Variants in SRSF3 observed in about 807,000 individuals in gnomAD.
The protein encoded by SRSF3 is serine/arginine-rich splicing factor 3.
For missense variants in SRSF3, 58 were observed against 217.1 expected (o/e 0.27, Z 4.61); for synonymous variants, 87 against 73.6 (o/e 1.18, Z -0.93).
intron 2 of SRSF3, among the ~76,000 whole-genome samples, chr6:36,598,091 G>A (rs1233334643): frequency 1.3e-5 from 2 of 152,142 alleles, no homozygotes; most frequent in African/African-American, 4.8e-5. Flanking sequence ...TTTTTACTTG[G>A]AGTGGGGCAG....
chr6:36,595,079 G>T (rs1481120198), intron 1 of SRSF3, among the ~76,000 whole-genome samples: 23 of 152,108 alleles, frequency 1.5e-4, no homozygotes, highest in Admixed American at 1.4e-3. Context: ...CTTACTCCTG[G>T]GCACAGGGTG....
At chr6:36,597,508 G>T (rs1778650647) in intron 2 of SRSF3, among the ~76,000 whole-genome samples, 1 of 151,464 alleles carries the variant, frequency 6.6e-6, no homozygotes, top group Non-Finnish European at 1.5e-5. Context: ...TTATGTGTTT[G>T]AAATACTCCA....
chr6:36,599,314 C>T, intron 3 of SRSF3: 1 of 246,560 alleles, frequency 4.1e-6, no homozygotes, highest in Non-Finnish European at 8.0e-6. Flanking sequence ...TTACATTCAA[C>T]TCTAGCTCTT....
At chr6:36,601,825 T>G (rs765680445) in intron 5 of SRSF3, 31 bp downstream of exon 5, 2 of 1,604,294 alleles carry the variant, frequency 1.2e-6, no homozygotes, top group Non-Finnish European at 1.7e-6. Context: ...TATTTAAGAC[T>G]TTGCATACAT....
chr6:36,604,776 G>T lies in SRSF3; in HGVS notation c.*2787G>T, dbSNP rs1205461520. ...CAGAATAGATACAGCCAGACTCCAG[G>T]CTCATTGACTTAGTTTTTCAGGGTG... On this transcript the variant is annotated 3_prime_UTR_variant, in exon 6 of 6. Transcript: ENST00000373715. The T allele has an allele frequency of 6.6e-6, 1 of 152,238 alleles. No individual in the cohort carries two copies. The highest frequency in any genetic ancestry group is 2.4e-5 in the African/African-American group (1 of 41,438). 9.4% of individuals were successfully genotyped at this position (152,238 alleles called of 1,614,324 possible). A position where few individuals can be genotyped will look rare whatever the true frequency, so the allele number is the denominator to read the frequency against.
Position 36,602,357 on chromosome 6 carries a change from T to A in SRSF3, c.*368T>A. The A allele has an allele frequency of 3.8e-6, 1 of 261,492 alleles. No homozygotes were observed. Among genetic ancestry groups the A allele is most frequent in the Non-Finnish European group, 7.2e-6 (1 of 138,232 alleles). 16.2% of individuals were successfully genotyped at this position (261,492 alleles called of 1,614,324 possible). ...AACTGGCAAAAATTGAACTAAGATT[T>A]ACTTTTTTTTCCATAGCTGGGATAT... is the stretch of plus-strand genomic sequence containing the variant. On this transcript the variant is annotated 3_prime_UTR_variant, in exon 6 of 6. Coordinates refer to ENST00000373715, the MANE Select transcript of SRSF3 (RefSeq NM_003017.5).
At chr6:36,599,073 A>C in intron 3 of SRSF3, 90 bp downstream of exon 3, 1 of 1,488,888 alleles carries the variant, frequency 6.7e-7, no homozygotes, top group Non-Finnish European at 9.1e-7. Flanking sequence ...GGTGGGTTTT[A>C]AACTTTGGAA....
At chr6:36,599,735 C>A in intron 3 of SRSF3, 1 of 1,025,504 alleles carries the variant, frequency 9.8e-7, no homozygotes, top group Non-Finnish European at 1.4e-6. Flanking sequence ...TATTTGTTAG[C>A]TAATAGATGG....
chr6:36,597,593 A>T (rs1390075574), intron 2 of SRSF3, among the ~76,000 whole-genome samples: 1 of 151,764 alleles, frequency 6.6e-6, no homozygotes, highest in Admixed American at 6.6e-5. Context: ...CTGAGTATTG[A>T]CCTCCATGCC....
intron 3 of SRSF3, chr6:36,599,795 A>T: frequency 1.5e-6 from 2 of 1,342,654 alleles, no homozygotes; most frequent in Non-Finnish European, 2.0e-6. Context: ...TGGTCCATCT[A>T]TTAATAAAAA....
rs1778733850 is a variant in SRSF3, at chr6:36,602,495, C to CTCA, written c.*509_*511dup. On this transcript the variant is annotated 3_prime_UTR_variant, in exon 6 of 6. Coordinates refer to ENST00000373715, the MANE Select transcript of SRSF3 (RefSeq NM_003017.5). ...TTAGAGGTTTTTGAAAAATCCAACT[C>CTCA]TCATCCTGGGCAGAGGTTGCCTAGT... The CTCA allele has an allele frequency of 4.5e-6, 1 of 223,572 alleles. No homozygotes were observed. The highest frequency in any genetic ancestry group is 2.2e-5 in the African/African-American group (1 of 44,790). The allele number at this position is 223,572 out of a possible 1,614,324, so 13.8% of individuals were successfully genotyped here.
Position 36,599,004 on chromosome 6 carries a change from TAA to T in SRSF3, c.341+22_341+23del, listed in dbSNP as rs1301076599. Reference sequence around the variant, plus strand: ...CGCAGGTACTTGAGAGAAAGCTTGTTAAGAGGTATTGGTGTAATGGAGTAGCT... The same window carrying T: ...CGCAGGTACTTGAGAGAAAGCTTGTTGAGGTATTGGTGTAATGGAGTAGCT... On this transcript the variant is annotated intron_variant, in intron 3 of 5. Coordinates refer to ENST00000373715, the MANE Select transcript of SRSF3 (RefSeq NM_003017.5). 4 of 1,613,524 alleles carry T rather than the reference TAA, an allele frequency of 2.5e-6. No individual in the cohort carries two copies. In the African/African-American group the frequency reaches 5.3e-5, roughly 22 times the overall value.
At position 36,596,985 on chromosome 6, in the gene SRSF3, G is replaced by C; in HGVS notation, c.206+17G>C. 1 of 1,611,094 alleles carries C rather than the reference G, an allele frequency of 6.2e-7. No individual in the cohort carries two copies. Among genetic ancestry groups the C allele is most frequent in the Admixed American group, 1.7e-5 (1 of 59,946 alleles). On this transcript the variant is annotated intron_variant, in intron 2 of 5. Coordinates refer to ENST00000373715, the MANE Select transcript of SRSF3 (RefSeq NM_003017.5). ...AGATGGAAGGTGATTTAATGATTACGCTGATAAAAATGTGTTGCTTGTGTT... is the reference window on the plus strand; with the variant it reads ...AGATGGAAGGTGATTTAATGATTACCCTGATAAAAATGTGTTGCTTGTGTT...
At chr6:36,601,587 T>C (rs1582514449) in intron 4 of SRSF3, 121 bp from the exon 5 acceptor site, 1 of 928,190 alleles carries the variant, frequency 1.1e-6, no homozygotes. Context: ...CAAGTGAGCC[T>C]CCTGCCTCTG....
rs552359222 is a variant in SRSF3, at chr6:36,597,081, T to C, written c.206+113T>C. 1.8e-5 allele frequency: 15 copies of C among 818,354 alleles called. No individual in the cohort carries two copies. In the South Asian group the frequency reaches 1.9e-4, roughly 10 times the overall value. The allele number at this position is 818,354 out of a possible 1,614,324, so 50.7% of individuals were successfully genotyped here. ...CCCAATCACTGGCCAATTGTATCTT[T>C]AGATACAATTGGGATCTTTTTTTTT... On this transcript the variant is annotated intron_variant, in intron 2 of 5. Transcript: ENST00000373715.
At chr6:36,601,890 T>C (rs1778721847) in intron 5 of SRSF3, 72 bp from the exon 6 acceptor site, 1 of 1,593,468 alleles carries the variant, frequency 6.3e-7, no homozygotes, top group Non-Finnish European at 8.5e-7. Context: ...AAGTTCTATT[T>C]CGATATGTCA....
At chr6:36,601,247 C>G in intron 4 of SRSF3, 57 bp downstream of exon 4, 2 of 1,585,736 alleles carry the variant, frequency 1.3e-6, no homozygotes, top group Non-Finnish European at 1.7e-6. Flanking sequence ...TCTGCTATTC[C>G]TAAACTTTTC....
chr6:36,601,075 G>T, intron 3 of SRSF3, 77 bp from the exon 4 acceptor site: 1 of 1,172,970 alleles, frequency 8.5e-7, no homozygotes, highest in Admixed American at 2.0e-5. Flanking sequence ...CCAACAGTGA[G>T]ATTGAAAAGT....
At position 36,602,188 on chromosome 6, in the gene SRSF3, T is replaced by C. The variant is rs2127506887; in HGVS notation, c.*199T>C. 2 of 1,050,120 alleles carry C rather than the reference T, an allele frequency of 1.9e-6. No individual in the cohort carries two copies. Among genetic ancestry groups the C allele is most frequent in the South Asian group, 2.4e-5 (1 of 41,718 alleles). The allele number at this position is 1,050,120 out of a possible 1,614,324, so 65.1% of individuals were successfully genotyped here. A position where few individuals can be genotyped will look rare whatever the true frequency, so the allele number is the denominator to read the frequency against. ...GGTTTGAAATGGATCATACGAGGCA[T>C]GTAATACCAAGAATTGTTACTTTAC... On this transcript the variant is annotated 3_prime_UTR_variant, in exon 6 of 6. Transcript: ENST00000373715.
Sources: gnomAD v4.1 joint callset for allele counts (sites outside exome capture counted in the v4.1 genomes callset) on GRCh38, gnomAD v4.1.1 for gene constraint, MANE v1.5 for transcripts, NCBI Gene and HGNC (gene_info 2026-07-23, HGNC 2026-07-21) for gene names.